JAK2: variants seen among roughly 807,000 people sequenced by gnomAD.
JAK2 encodes the protein tyrosine-protein kinase JAK2.
Under a neutral mutation model 139.3 loss-of-function variants are expected in JAK2, and 86 were observed. The observed-to-expected ratio is 0.62, with a 90% CI of 0.52 to 0.74. The LOEUF (loss-of-function observed/expected upper bound fraction) is 0.74, where lower values mean the gene tolerates loss of function less well. Among genes scored for constraint, JAK2 ranks in the 30% least tolerant of loss-of-function variants. The pLI, the probability that JAK2 is intolerant of heterozygous loss-of-function variation, is 0.00. For synonymous variants in JAK2, 490 were observed against 437.7 expected (o/e 1.12, Z -1.49); for missense variants, 1,421 against 1,360.3 (o/e 1.04, Z -0.70).
intron 4 of JAK2, among the ~76,000 whole-genome samples, chr9:5,036,447 G>A (rs1362629606): frequency 1.8e-4 from 27 of 152,066 alleles, no homozygotes; most frequent in Non-Finnish European, 2.9e-4. Flanking sequence ...GAACAAAGCT[G>A]GAGGCATCAC....
chr9:5,074,510 A>G (rs1316110052), intron 14 of JAK2, among the ~76,000 whole-genome samples: 3 of 152,048 alleles, frequency 2.0e-5, no homozygotes, highest in Admixed American at 2.0e-4. Flanking sequence ...CTTTAATGCT[A>G]GTATTGTAAT....
intron 22 of JAK2, among the ~76,000 whole-genome samples, chr9:5,101,334 C>A (rs920770452): frequency 6.6e-6 from 1 of 152,252 alleles, no homozygotes; most frequent in Non-Finnish European, 1.5e-5. Context: ...GGCGGAGGGG[C>A]GTCCGCCATT....
At chr9:5,118,880 A>C (rs1823404680) in intron 22 of JAK2, among the ~76,000 whole-genome samples, 1 of 152,212 alleles carries the variant, frequency 6.6e-6, no homozygotes, top group South Asian at 2.1e-4. Context: ...TTGACTTTCA[A>C]AAATGAGTTT....
intron 15 of JAK2, 51 bp from the exon 16 acceptor site, chr9:5,078,255 T>C (rs764379233): frequency 1.1e-5 from 16 of 1,482,292 alleles, no homozygotes; most frequent in Non-Finnish European, 1.5e-5. Flanking sequence ...TACTAAATGC[T>C]CCAGTACTTG....
At chr9:5,063,312 A>G (rs1400338261) in intron 8 of JAK2, among the ~76,000 whole-genome samples, 1 of 152,192 alleles carries the variant, frequency 6.6e-6, no homozygotes, top group Non-Finnish European at 1.5e-5. Flanking sequence ...TTCTCAATAC[A>G]AAATTTCACA....
intron 2 of JAK2, among the ~76,000 whole-genome samples, chr9:4,988,010 G>A (rs574339812): frequency 6.6e-6 from 1 of 152,254 alleles, no homozygotes; most frequent in East Asian, 1.9e-4. Flanking sequence ...ACTGGTGAGG[G>A]AGTATTACAG....
intron 19 of JAK2, chr9:5,084,992 T>G (rs1819966983): frequency 1.2e-6 from 1 of 837,926 alleles, no homozygotes; most frequent in Non-Finnish European, 1.9e-6. Context: ...ACAGAAAGAG[T>G]TGTCATTTAT....
chr9:5,065,900 C>T (rs975720504), intron 9 of JAK2, among the ~76,000 whole-genome samples: 2 of 152,104 alleles, frequency 1.3e-5, no homozygotes, highest in African/African-American at 4.8e-5. Context: ...TTAGTCTATG[C>T]TTAATATTTA....
chr9:5,041,721 C>A, intron 4 of JAK2: 1 of 498,810 alleles, frequency 2.0e-6, no homozygotes, highest in East Asian at 5.6e-5. Flanking sequence ...GTACGAGGGG[C>A]TCGGGAAGCC....
intron 2 of JAK2, among the ~76,000 whole-genome samples, chr9:5,016,044 G>A (rs1272032987): frequency 6.6e-6 from 1 of 152,126 alleles, no homozygotes; most frequent in Non-Finnish European, 1.5e-5. Flanking sequence ...TTGCTCTTGT[G>A]GTACAACATG....
chr9:5,109,183 A>G (rs545168083), intron 22 of JAK2: 2 of 152,350 alleles, frequency 1.3e-5, no homozygotes, highest in African/African-American at 4.8e-5. Flanking sequence ...CTTACATATT[A>G]CATTAACAGT....
chr9:5,077,603 C>A, intron 15 of JAK2, 23 bp downstream of exon 15: 1 of 1,410,078 alleles, frequency 7.1e-7, no homozygotes. Flanking sequence ...ACCTTTTTAT[C>A]AAAAGATACT....
intron 4 of JAK2, among the ~76,000 whole-genome samples, chr9:5,038,547 A>T (rs887683428): frequency 3.9e-5 from 6 of 152,092 alleles, no homozygotes; most frequent in African/African-American, 1.4e-4. Flanking sequence ...ATACAGCTTG[A>T]ATATGTCTTA....
chr9:5,093,099 T>C (rs908648568), intron 22 of JAK2, among the ~76,000 whole-genome samples: 1 of 152,106 alleles, frequency 6.6e-6, no homozygotes, highest in East Asian at 1.9e-4. Context: ...TTAATATAAA[T>C]AACATGAAAA....
chr9:5,020,891 G>C (rs1027339646), intron 2 of JAK2, among the ~76,000 whole-genome samples: 2 of 152,092 alleles, frequency 1.3e-5, no homozygotes, highest in Non-Finnish European at 2.9e-5. Flanking sequence ...ATTCTGGTGT[G>C]GGTTGGGCTT....
chr9:5,034,768 G>T (rs934836695), intron 4 of JAK2, among the ~76,000 whole-genome samples: 4 of 151,754 alleles, frequency 2.6e-5, no homozygotes, highest in South Asian at 4.2e-4. Context: ...TAGCACTAAA[G>T]GCCCACAAGA....
chr9:4,985,035 A>C (rs975102962), upstream of JAK2: 5 of 152,204 alleles, frequency 3.3e-5, no homozygotes, highest in Non-Finnish European at 7.3e-5. Context: ...CGCGCACTGC[A>C]GGACGCGCGT....
In JAK2 at chr9:5,123,022, G is replaced by C. The variant is rs761304950; in HGVS notation, c.3078G>C (p.Leu1026=). ...TTTACAGGTATGCTCCAGAATCACTGACAGAGAGCAAGTTTTCTGTGGCCT... is the reference window on the plus strand; with the variant it reads ...TTTACAGGTATGCTCCAGAATCACTCACAGAGAGCAAGTTTTCTGTGGCCT... ...SPIFWYAPES[L]TESKFSVASD... Residue 1026 remains leucine (L), a synonymous_variant, in exon 23 of 25, where the codon CTG becomes CTC. Coordinates refer to ENST00000381652, the MANE Select transcript of JAK2 (RefSeq NM_004972.4). The C allele has an allele frequency of 1.5e-5, 24 of 1,610,458 alleles. No homozygotes were observed. In the African/African-American group the frequency reaches 2.9e-4, roughly 20 times the overall value.
chr9:5,022,907 A>T (rs1216274457), intron 3 of JAK2, among the ~76,000 whole-genome samples: 1 of 152,232 alleles, frequency 6.6e-6, no homozygotes, highest in African/African-American at 2.4e-5. Flanking sequence ...GGCAAATTAA[A>T]TGTCTAATAT....
Sources: gnomAD v4.1 joint callset for allele counts (sites outside exome capture counted in the v4.1 genomes callset) on GRCh38, gnomAD v4.1.1 for gene constraint, MANE v1.5 for transcripts, NCBI Gene and HGNC (gene_info 2026-07-23, HGNC 2026-07-21) for gene names.